Variants in ZNF846 observed in about 807,000 individuals in gnomAD.
The protein encoded by ZNF846 is zinc finger protein 420 pseudogene.
ZNF846 carries 15 observed loss-of-function variants against 16.0 expected under a neutral mutation model. The observed-to-expected ratio is 0.94, with a 90% confidence interval of 0.63 to 1.45. The LOEUF (loss-of-function observed/expected upper bound fraction) is 1.45, where lower values mean the gene tolerates loss of function less well. Among genes scored for constraint, ZNF846 ranks in the 40% most tolerant of loss-of-function variants. The probability of loss-of-function intolerance (pLI) is 0.00; values close to 1 mark genes in which losing one functional copy is unlikely to be tolerated. For missense variants in ZNF846, 714 were observed against 622.3 expected, an observed-to-expected ratio of 1.15 and a Z score of -1.57; for synonymous variants, 229 against 212.0, an observed-to-expected ratio of 1.08 and a Z score of -0.70.
intron 5 of ZNF846, 80 bp downstream of exon 5, chr19:9,759,780 T>C (rs752554280): frequency 2.2e-5 from 24 of 1,104,734 alleles, no homozygotes; most frequent in Non-Finnish European, 2.6e-5. Flanking sequence ...TCTGGGTAAA[T>C]GCCATTTTCC....
downstream of ZNF846, among the ~76,000 whole-genome samples, chr19:9,749,546 C>CTTTTTTTTTTTT (rs60331343): frequency 2.4e-5 from 3 of 125,558 alleles, no homozygotes; most frequent in Admixed American, 8.4e-5. Context: ...ATAAGTCTTT[C>CTTTTTTTTTTTT]TTTTTTTTTT....
intron 2 of ZNF846, among the ~76,000 whole-genome samples, chr19:9,763,796 CA>C (rs1275944689): frequency 2.6e-5 from 4 of 152,126 alleles, no homozygotes; most frequent in African/African-American, 9.7e-5. Context: ...TAACACTCAG[CA>C]AAACAATGAG....
chr19:9,774,997 G>A, intron 1 of ZNF846: 4 of 1,586,784 alleles, frequency 2.5e-6, no homozygotes, highest in South Asian at 1.1e-5. Flanking sequence ...TGTAAGCAGA[G>A]GCCCCATGCA....
At chr19:9,762,549 A>C (rs2045247808) in intron 3 of ZNF846, 1 of 167,716 alleles carries the variant, frequency 6.0e-6, no homozygotes, top group Non-Finnish European at 1.3e-5. Context: ...GAGGCAGAAG[A>C]ATTGCTTGAG....
upstream of ZNF846, among the ~76,000 whole-genome samples, chr19:9,769,330 C>G (rs140767163): frequency 1.7e-4 from 26 of 152,246 alleles, no homozygotes; most frequent in Middle Eastern, 3.4e-3. Context: ...GATCCTCCCC[C>G]CTCGGCCTCC....
downstream of ZNF846, among the ~76,000 whole-genome samples, chr19:9,749,273 A>G (rs2045066109): frequency 6.6e-6 from 1 of 152,142 alleles, no homozygotes; most frequent in East Asian, 1.9e-4. Context: ...ACAGGGCTTT[A>G]TGAAGTCATC....
intron 1 of ZNF846, among the ~76,000 whole-genome samples, chr19:9,765,693 CAAAT>C (rs942004759): frequency 3.9e-5 from 6 of 152,056 alleles, no homozygotes; most frequent in African/African-American, 1.4e-4. Context: ...AACAAACAAA[CAAAT>C]AAAGCATTTC....
At chr19:9,756,379 ATATAT>A (rs1416218707), downstream of ZNF846, 24 of 139,408 alleles carry the variant, frequency 1.7e-4, no homozygotes, top group Non-Finnish European at 7.6e-5. Context: ...ATATATATAT[ATATAT>A]AAAGACATTC....
At chr19:9,775,213 G>GTGTA (rs1253749614) in intron 1 of ZNF846, among the ~76,000 whole-genome samples, 4 of 150,456 alleles carry the variant, frequency 2.7e-5, no homozygotes, top group Non-Finnish European at 5.9e-5. Context: ...GTGTGTGTGT[G>GTGTA]TATATATATA....
chr19:9,764,459 A>G (rs2045281730), intron 2 of ZNF846, among the ~76,000 whole-genome samples: 2 of 152,192 alleles, frequency 1.3e-5, no homozygotes, highest in Non-Finnish European at 2.9e-5. Flanking sequence ...AATGTACTGT[A>G]CTTCTACATA....
chr19:9,774,435 T>C (rs1321517341), intron 1 of ZNF846: 3 of 677,546 alleles, frequency 4.4e-6, no homozygotes, highest in African/African-American at 3.7e-5. Flanking sequence ...GCCACTGCAC[T>C]CCAGCCTGGG....
chr19:9,760,303 A>AT lies in ZNF846; in HGVS notation c.230-362dup, dbSNP rs34570232. ...CAAGACTTCGTCTCAAAAAAAAAAA[A>AT]TGCCTAAGGAACAGACATAGCATAA... On this transcript the variant is annotated intron_variant, in intron 4 of 5. Coordinates refer to ENST00000397902, the Ensembl canonical transcript of ZNF846. Among the ~76,000 whole-genome samples, 3 of 151,034 alleles carry AT rather than the reference A, an allele frequency of 2.0e-5. 1 individual carries two copies. The highest frequency in any genetic ancestry group is 4.9e-5 in the African/African-American group (2 of 40,700).
intron 1 of ZNF846, among the ~76,000 whole-genome samples, chr19:9,776,311 G>T (rs572903163): frequency 4.6e-5 from 7 of 151,834 alleles, no homozygotes; most frequent in Non-Finnish European, 1.0e-4. Context: ...TCCCTGTGAT[G>T]CTGTGCTTCA....
chr19:9,784,562 T>C (rs2045538991), intron 1 of ZNF846, among the ~76,000 whole-genome samples: 2 of 152,120 alleles, frequency 1.3e-5, no homozygotes, highest in African/African-American at 4.8e-5. Flanking sequence ...TTTCCTCTTA[T>C]CTCAACTGCA....
At chr19:9,763,238 T>C (rs1223965308) in intron 3 of ZNF846, 44 bp downstream of exon 3, 1 of 1,498,720 alleles carries the variant, frequency 6.7e-7, no homozygotes, top group Non-Finnish European at 9.0e-7. Context: ...TTAAGAAACA[T>C]TGATTTCCTA....
At chr19:9,762,412 G>C in intron 3 of ZNF846, 1 of 360,346 alleles carries the variant, frequency 2.8e-6, no homozygotes, top group Non-Finnish European at 5.2e-6. Flanking sequence ...CCAAGGCAGG[G>C]AGATCACTTG....
At chr19:9,775,865 C>A (rs2045435584) in intron 1 of ZNF846, among the ~76,000 whole-genome samples, 1 of 152,162 alleles carries the variant, frequency 6.6e-6, no homozygotes, top group South Asian at 2.1e-4. Flanking sequence ...AGATATAGAT[C>A]ATAGACATGA....
At chr19:9,762,511 G>A (rs2045247302) in intron 3 of ZNF846, 1 of 199,078 alleles carries the variant, frequency 5.0e-6, no homozygotes, top group Non-Finnish European at 1.0e-5. Flanking sequence ...GCTGGCACAG[G>A]TCTGTGGTCC....
chr19:9,776,807 C>T (rs762255418), intron 1 of ZNF846, among the ~76,000 whole-genome samples: 11 of 152,274 alleles, frequency 7.2e-5, no homozygotes, highest in Non-Finnish European at 1.0e-4. Flanking sequence ...AGGCTACAGA[C>T]TTGGAGGTCA....
Sources: gnomAD v4.1 joint callset for allele counts (sites outside exome capture counted in the v4.1 genomes callset) on GRCh38, gnomAD v4.1.1 for gene constraint, MANE v1.5 for transcripts, NCBI Gene and HGNC (gene_info 2026-07-23, HGNC 2026-07-21) for gene names.